Variants in IL1RAPL2 observed in about 807,000 individuals in gnomAD.
IL1RAPL2 encodes the protein interleukin 1 receptor accessory protein like 2, also known as X-linked interleukin-1 receptor accessory protein-like 2.
In IL1RAPL2, 3 loss-of-function variants were observed where a neutral mutation model predicts 44.1. The observed-to-expected ratio is 0.07, with a 90% CI of 0.03 to 0.18. The LOEUF is 0.18. IL1RAPL2 is among the 10% of genes least tolerant of loss of function. IL1RAPL2 has a pLI of 1.00. For missense variants in IL1RAPL2, 391 were observed against 496.4 expected (o/e 0.79, Z 2.02); for synonymous variants, 181 against 178.8 (o/e 1.01, Z -0.10).
intron 4 of IL1RAPL2, among the ~76,000 whole-genome samples, chrX:105,240,554 C>T (rs1468493737): frequency 8.9e-6 from 1 of 111,748 alleles, no homozygotes; most frequent in Non-Finnish European, 1.9e-5. Context: ...TTTCAGGGTC[C>T]TTTCCAACCT....
chrX:105,003,673 C>CT (rs1279829397), intron 2 of IL1RAPL2, among the ~76,000 whole-genome samples: 3 of 110,312 alleles, frequency 2.7e-5, no homozygotes, highest in African/African-American at 9.9e-5. Context: ...GAGAAGGAGA[C>CT]TTTTTTCTTC....
intron 1 of IL1RAPL2, among the ~76,000 whole-genome samples, chrX:104,624,557 A>T (rs953554769): frequency 1.8e-5 from 2 of 111,848 alleles, no homozygotes; most frequent in Admixed American, 9.5e-5. Context: ...CTCATATACT[A>T]TTGGTGGGAG....
At chrX:105,669,143 T>C (rs2037795506) in intron 6 of IL1RAPL2, among the ~76,000 whole-genome samples, 1 of 111,891 alleles carries the variant, frequency 8.9e-6, no homozygotes, top group African/African-American at 3.3e-5. Flanking sequence ...AATATTTAAA[T>C]AAAAATAAGA....
At chrX:105,396,337 AGTTGAGATGACTTT>A (rs990718405) in intron 5 of IL1RAPL2, among the ~76,000 whole-genome samples, 3 of 106,351 alleles carry the variant, frequency 2.8e-5, no homozygotes, top group African/African-American at 1.0e-4. Flanking sequence ...TTTTTAATAA[AGTTGAGATGACTTT>A]ACGGTAATCA....
chrX:105,132,330 C>A (rs1383922436), intron 2 of IL1RAPL2, among the ~76,000 whole-genome samples: 1 of 110,197 alleles, frequency 9.1e-6, no homozygotes, highest in Non-Finnish European at 1.9e-5. Flanking sequence ...ATGCATTGAG[C>A]CTTTTAAAGT....
intron 6 of IL1RAPL2, among the ~76,000 whole-genome samples, chrX:105,689,885 G>A (rs2038020610): frequency 8.9e-6 from 1 of 112,023 alleles, no homozygotes; most frequent in South Asian, 3.7e-4. Flanking sequence ...ATATTATGCA[G>A]CCATAAAAAG....
intron 6 of IL1RAPL2, 117 bp downstream of exon 6, chrX:105,484,504 G>T: frequency 1.9e-6 from 1 of 525,424 alleles, no homozygotes; most frequent in Non-Finnish European, 3.4e-6. Flanking sequence ...ATCAATTTGT[G>T]TTCTGCTCAT....
At chrX:105,102,649 A>ATG (rs747744690) in intron 2 of IL1RAPL2, among the ~76,000 whole-genome samples, 1 of 111,668 alleles carries the variant, frequency 9.0e-6, no homozygotes, top group Non-Finnish European at 1.9e-5. Flanking sequence ...GTATGTACAC[A>ATG]TGTGTGTATA....
At chrX:104,956,520 C>T (rs2029904180) in intron 2 of IL1RAPL2, among the ~76,000 whole-genome samples, 1 of 84,402 alleles carries the variant, frequency 1.2e-5, no homozygotes, top group African/African-American at 4.5e-5. Flanking sequence ...TGGCGCATAT[C>T]TCAGCTACTG....
chrX:105,339,107 A>G (rs907011699), intron 5 of IL1RAPL2, among the ~76,000 whole-genome samples: 1 of 111,513 alleles, frequency 9.0e-6, no homozygotes, highest in African/African-American at 3.3e-5. Flanking sequence ...CATCTCAAAC[A>G]AACAAACAAA....
chrX:105,215,471 G>A (rs185833312), intron 3 of IL1RAPL2, among the ~76,000 whole-genome samples: 1,685 of 111,563 alleles, frequency 0.015, 23 homozygotes, highest in African/African-American at 0.039. Flanking sequence ...GTAATTAATA[G>A]TCTACCAACC....
chrX:104,735,817 C>T (rs1602703836), intron 2 of IL1RAPL2, among the ~76,000 whole-genome samples: 1 of 111,389 alleles, frequency 9.0e-6, no homozygotes, highest in Non-Finnish European at 1.9e-5. Context: ...TGCTGTGATA[C>T]ACAAGCTGTG....
chrX:105,400,959 G>A (rs1003288525), intron 5 of IL1RAPL2, among the ~76,000 whole-genome samples: 1 of 111,702 alleles, frequency 9.0e-6, no homozygotes, highest in African/African-American at 3.2e-5. Flanking sequence ...TGATACTGAG[G>A]TACCACCAGG....
chrX:104,886,563 C>T (rs1923250559), intron 2 of IL1RAPL2, among the ~76,000 whole-genome samples: 1 of 112,474 alleles, frequency 8.9e-6, no homozygotes, highest in Admixed American at 9.4e-5. Context: ...TCAGTGGAGA[C>T]TAGTGCAAGA....
chrX:105,079,061 C>A (rs1022372029), intron 2 of IL1RAPL2, among the ~76,000 whole-genome samples: 3 of 112,193 alleles, frequency 2.7e-5, no homozygotes, highest in African/African-American at 9.7e-5. Flanking sequence ...TCCAGCACTC[C>A]CCAGTGAGAT....
At chrX:105,757,610 A>G (rs900168789) in intron 10 of IL1RAPL2, among the ~76,000 whole-genome samples, 2 of 111,623 alleles carry the variant, frequency 1.8e-5, no homozygotes, top group African/African-American at 6.5e-5. Context: ...AATCAGACTG[A>G]GTAGGGGCTT....
At chrX:105,555,958 T>G (rs1013519282) in intron 6 of IL1RAPL2, among the ~76,000 whole-genome samples, 2 of 112,131 alleles carry the variant, frequency 1.8e-5, no homozygotes, top group African/African-American at 6.5e-5. Flanking sequence ...CATTTGCATG[T>G]TGTGCCTTTA....
chrX:104,684,131 C>T (rs1345176108), intron 2 of IL1RAPL2, among the ~76,000 whole-genome samples: 1 of 111,795 alleles, frequency 8.9e-6, no homozygotes, highest in Non-Finnish European at 1.9e-5. Context: ...TAGAGATGGA[C>T]CAGAAAAGGG....
chrX:105,560,756 T>G, intron 6 of IL1RAPL2, among the ~76,000 whole-genome samples: 1 of 110,769 alleles, frequency 9.0e-6, no homozygotes, highest in Non-Finnish European at 1.9e-5. Context: ...AATTGACACA[T>G]AATAATTATA....
Sources: gnomAD v4.1 joint callset for allele counts (sites outside exome capture counted in the v4.1 genomes callset) on GRCh38, gnomAD v4.1.1 for gene constraint, MANE v1.5 for transcripts, NCBI Gene and HGNC (gene_info 2026-07-23, HGNC 2026-07-21) for gene names.